SHF: variants seen among roughly 807,000 people sequenced by gnomAD.
SHF encodes the protein SH2 domain-containing adapter protein F.
A neutral mutation model predicts 42.4 loss-of-function variants in SHF; 30 were observed. The observed-to-expected ratio is 0.71, with a 90% CI of 0.53 to 0.96. The LOEUF is 0.96. Among genes scored for constraint, SHF ranks in the 40% least tolerant of loss-of-function variants. The probability of loss-of-function intolerance (pLI) is 0.00; values close to 1 mark genes in which losing one functional copy is unlikely to be tolerated. For synonymous variants in SHF, 264 were observed against 269.9 expected (o/e 0.98, Z 0.21); for missense variants, 598 against 634.0 (o/e 0.94, Z 0.61).
intron 6 of SHF, 133 bp downstream of exon 6, chr15:45,171,750 C>A: frequency 1.1e-6 from 1 of 948,946 alleles, no homozygotes; most frequent in South Asian, 1.6e-5. Flanking sequence ...TCTCAGACAT[C>A]TCAGGACCCC....
In SHF at chr15:45,167,498, GGAGCCCTCCGACGGTCTGGGGTGGA is replaced by G. The variant is rs1260507067; in HGVS notation, c.*424_*448del. 6.5e-6 allele frequency: 1 copy of G among 153,192 alleles called. No individual in the cohort carries two copies. Among genetic ancestry groups the G allele is most frequent in the Non-Finnish European group, 1.5e-5 (1 of 68,760 alleles). 9.5% of individuals were successfully genotyped at this position (153,192 alleles called of 1,614,324 possible). On this transcript the variant is annotated 3_prime_UTR_variant, in exon 7 of 7. Coordinates refer to ENST00000690270, the MANE Select transcript of SHF (RefSeq NM_001394037.1). ...CCAAACCTCTTACCAGACTCTGGGC[GGAGCCCTCCGACGGTCTGGGGTGGA>G]AGTCGGGGACGGAGGCAGAGAGGTG...
chr15:45,178,348 G>A (rs774845022), intron 1 of SHF, 42 bp from the exon 2 acceptor site: 1 of 1,592,888 alleles, frequency 6.3e-7, no homozygotes, highest in South Asian at 1.1e-5. Flanking sequence ...AGGGAGCAGA[G>A]AGGCAACTCT....
chr15:45,194,101 C>CAAA (rs56176160), intron 2 of SHF, among the ~76,000 whole-genome samples: 1 of 75,586 alleles, frequency 1.3e-5, no homozygotes, highest in African/African-American at 5.2e-5. Flanking sequence ...GAGTTTGTCT[C>CAAA]AAAAAAAAAA....
At chr15:45,179,452 T>C (rs1898003862) in intron 1 of SHF, among the ~76,000 whole-genome samples, 1 of 146,384 alleles carries the variant, frequency 6.8e-6, no homozygotes, top group African/African-American at 2.6e-5. Flanking sequence ...ACTTTGGCCC[T>C]TCACTTCCTA....
Position 45,175,435 on chromosome 15 carries a change from C to A in SHF, c.641-10G>T. ...TTGGAGCCCCGGATCTCTGCCGGAGCAGGGCAGGAAGGGAAAGGTGAGGGT... is the reference window on the plus strand; with the variant it reads ...TTGGAGCCCCGGATCTCTGCCGGAGAAGGGCAGGAAGGGAAAGGTGAGGGT... On this transcript the variant is annotated splice_polypyrimidine_tract_variant and intron_variant, in intron 2 of 6. Coordinates refer to ENST00000690270, the MANE Select transcript of SHF (RefSeq NM_001394037.1). 6.4e-7 allele frequency: 1 copy of A among 1,567,786 alleles called. No individual in the cohort carries two copies. The highest frequency in any genetic ancestry group is 8.7e-7 in the Non-Finnish European group (1 of 1,155,984).
intron 3 of SHF, 118 bp from the exon 4 acceptor site, chr15:45,173,834 G>T (rs1897654064): frequency 7.7e-6 from 7 of 904,936 alleles, no homozygotes; most frequent in South Asian, 6.2e-5. Flanking sequence ...ATGAGGAGGG[G>T]CAGAGGCAGA....
intron 1 of SHF, chr15:45,200,490 A>C (rs1899052028): frequency 2.9e-6 from 1 of 349,150 alleles, no homozygotes; most frequent in South Asian, 2.2e-5. Context: ...ACGGCGAGCT[A>C]CTAGGGACAC....
At chr15:45,199,061 C>A in exon 2 of SHF, 1 of 1,592,846 alleles carries the variant, frequency 6.3e-7, no homozygotes, top group South Asian at 1.1e-5. Context: ...CACGGGTCCT[C>A]CCTCCTGCTG....
At position 45,167,837 on chromosome 15, in the gene SHF, C is replaced by T; in HGVS notation, c.*110G>A. ...GGAATCTCCAGCTTCTACTGGATCC[C>T]AGGAGAAGAAAGGTTTGAAAGATCA... On this transcript the variant is annotated 3_prime_UTR_variant, in exon 7 of 7. Transcript: ENST00000690270. The T allele has an allele frequency of 9.2e-7, 1 of 1,084,350 alleles. No individual in the cohort carries two copies. 67.2% of individuals were successfully genotyped at this position (1,084,350 alleles called of 1,614,324 possible).
chr15:45,198,450 A>G (rs557922155), intron 2 of SHF: 5 of 305,378 alleles, frequency 1.6e-5, no homozygotes, highest in African/African-American at 1.1e-4. Flanking sequence ...AGAGCATTAC[A>G]TGAGAGTTAC....
intron 2 of SHF, among the ~76,000 whole-genome samples, chr15:45,193,920 G>A (rs965268117): frequency 2.7e-5 from 4 of 149,520 alleles, no homozygotes; most frequent in South Asian, 2.1e-4. Context: ...GTAACATGGC[G>A]AAACCCCTTC....
upstream of SHF, among the ~76,000 whole-genome samples, chr15:45,191,314 C>G (rs1395301810): frequency 6.6e-6 from 1 of 152,210 alleles, no homozygotes; most frequent in African/African-American, 2.4e-5. Context: ...TCCCAAAGCA[C>G]TGGTACTACA....
At chr15:45,169,086 G>T (rs1448579360) in intron 6 of SHF, among the ~76,000 whole-genome samples, 1 of 152,202 alleles carries the variant, frequency 6.6e-6, no homozygotes, top group Admixed American at 6.5e-5. Flanking sequence ...GTTATATACT[G>T]CTGGCCAGAG....
intron 2 of SHF, among the ~76,000 whole-genome samples, chr15:45,194,922 G>A (rs1898820214): frequency 6.6e-6 from 1 of 152,120 alleles, no homozygotes; most frequent in African/African-American, 2.4e-5. Flanking sequence ...TCAACCTCCT[G>A]GGTTCAAGCG....
chr15:45,188,015 A>AG (rs1162918452), upstream of SHF: 481 of 81,828 alleles, frequency 5.9e-3, 1 homozygote, highest in African/African-American at 0.024. Flanking sequence ...GGGGGTGGGG[A>AG]GGGGGGCGGG....
At position 45,168,410 on chromosome 15, in the gene SHF, G is replaced by A. The variant is rs566274767; in HGVS notation, c.1281-277C>T. On this transcript the variant is annotated intron_variant, in intron 6 of 6. Coordinates refer to ENST00000690270, the MANE Select transcript of SHF (RefSeq NM_001394037.1). ...GGGTGTGTGCAGGTGGAAACTGAGC[G>A]ACCAGCACCTCCCCCGACCCCTGCT... Among the ~76,000 whole-genome samples, 4 of 152,282 alleles carry A rather than the reference G, an allele frequency of 2.6e-5. No homozygotes were observed. In the East Asian group the frequency reaches 7.7e-4, roughly 29 times the overall value.
intron 1 of SHF, among the ~76,000 whole-genome samples, chr15:45,180,431 T>C (rs1372667871): frequency 6.6e-6 from 1 of 152,232 alleles, no homozygotes; most frequent in Non-Finnish European, 1.5e-5. Context: ...CATCACACTC[T>C]TGTGGCAGCT....
At chr15:45,175,859 C>T (rs1897781105) in intron 2 of SHF, among the ~76,000 whole-genome samples, 1 of 151,204 alleles carries the variant, frequency 6.6e-6, no homozygotes, top group Non-Finnish European at 1.5e-5. Flanking sequence ...TGCTCTCTCA[C>T]CCAGGCTGGA....
At chr15:45,181,096 AC>A (rs1266596056) in intron 1 of SHF, 1 of 152,302 alleles carries the variant, frequency 6.6e-6, no homozygotes, top group Non-Finnish European at 1.5e-5. Context: ...TGCAGGCAGC[AC>A]CCTTCTTACC....
Sources: allele counts gnomAD v4.1 joint callset (sites outside exome capture counted in the v4.1 genomes callset), GRCh38; gene constraint gnomAD v4.1.1; transcripts MANE v1.5; gene names NCBI Gene and HGNC (gene_info 2026-07-23, HGNC 2026-07-21).